SNTG1: variants seen among roughly 807,000 people sequenced by gnomAD.
SNTG1 encodes the protein syntrophin gamma 1.
SNTG1 carries 39 observed loss-of-function variants against 74.7 expected under a neutral mutation model. The ratio of observed to expected loss-of-function variants is 0.52; its 90% CI spans 0.40 to 0.68. SNTG1 has a LOEUF of 0.68. Ranked by LOEUF, SNTG1 falls within the 30% of genes least tolerant of loss-of-function variation. The pLI is 0.00. For synonymous variants in SNTG1, 254 were observed against 217.1 expected, an observed-to-expected ratio of 1.17 and a Z score of -1.49; for missense variants, 685 against 609.5, an observed-to-expected ratio of 1.12 and a Z score of -1.30.
At chr8:50,523,960 A>ACTT (rs2094200281) in intron 9 of SNTG1, among the ~76,000 whole-genome samples, 1 of 152,178 alleles carries the variant, frequency 6.6e-6, no homozygotes, top group African/African-American at 2.4e-5. Context: ...AGTTTATTCC[A>ACTT]CTTAACATTT....
rs554315176 is a variant in SNTG1 at position 50,526,617 on chromosome 8, G to A, written c.467-3560G>A. Among the ~76,000 whole-genome samples the A allele has an allele frequency of 2.6e-3, 376 of 146,558 alleles. 1 individual carries two copies. The highest frequency in any genetic ancestry group is 4.6e-3 in the Non-Finnish European group (307 of 67,392). ...TCAGCATATATATGTGTGTGTGTGT[G>A]TGTGTATACACAAACACATATATAC... On this transcript the variant is annotated intron_variant, in intron 9 of 18. Coordinates refer to ENST00000642720, the MANE Select transcript of SNTG1 (RefSeq NM_018967.5).
At chr8:50,755,659 T>C (rs974141852) in intron 18 of SNTG1, among the ~76,000 whole-genome samples, 2 of 151,866 alleles carry the variant, frequency 1.3e-5, no homozygotes, top group Admixed American at 1.3e-4. Flanking sequence ...AAACAGTGTT[T>C]AGTTTTTTTA....
intron 1 of SNTG1, among the ~76,000 whole-genome samples, chr8:49,943,160 A>G (rs1808854579): frequency 6.6e-6 from 1 of 152,184 alleles, no homozygotes; most frequent in African/African-American, 2.4e-5. Context: ...CCTGTTCAAA[A>G]AGAAGTTGGG....
At chr8:49,928,468 T>C (rs1230486773) in intron 1 of SNTG1, among the ~76,000 whole-genome samples, 1 of 151,998 alleles carries the variant, frequency 6.6e-6, no homozygotes, top group Admixed American at 6.6e-5. Context: ...TAACCTCAGG[T>C]GATCCTCCCA....
In SNTG1 at chr8:50,456,773, G is replaced by A. The variant is rs556646660; in HGVS notation, c.363+6044G>A. On this transcript the variant is annotated intron_variant, in intron 8 of 18. Coordinates refer to ENST00000642720, the MANE Select transcript of SNTG1 (RefSeq NM_018967.5). The stretch of plus-strand genomic sequence containing the variant: ...CCAGGCCTGAAAAACCAATTACTTA[G>A]GAGGGCCCCAGCCGATTTCCTTGGA... Among the ~76,000 whole-genome samples the A allele has an allele frequency of 2.0e-5, 3 of 152,186 alleles. No homozygotes were observed. In the East Asian group the frequency reaches 5.8e-4, roughly 29 times the overall value.
intron 2 of SNTG1, among the ~76,000 whole-genome samples, chr8:50,262,419 T>G (rs1403279687): frequency 2.0e-5 from 3 of 152,142 alleles, no homozygotes; most frequent in Non-Finnish European, 4.4e-5. Flanking sequence ...TTTGTTTTTG[T>G]GTTTGTTTTG....
intron 1 of SNTG1, among the ~76,000 whole-genome samples, chr8:49,922,913 TCTC>T (rs2129345521): frequency 6.6e-6 from 1 of 152,244 alleles, no homozygotes; most frequent in South Asian, 2.1e-4. Context: ...TTTTAACTCT[TCTC>T]CTGTTTTTCT....
intron 2 of SNTG1, among the ~76,000 whole-genome samples, chr8:50,333,875 C>A (rs549876005): frequency 1.9e-4 from 29 of 152,242 alleles, no homozygotes; most frequent in African/African-American, 6.7e-4. Context: ...CAAATGAAAT[C>A]AAATTGAGCT....
intron 1 of SNTG1, among the ~76,000 whole-genome samples, chr8:49,939,114 A>T (rs1183749772): frequency 6.6e-6 from 1 of 152,120 alleles, no homozygotes; most frequent in Non-Finnish European, 1.5e-5. Flanking sequence ...AGTACTGCAG[A>T]CTGTTTTTAG....
chr8:50,541,611 G>A (rs1443539309), intron 11 of SNTG1, among the ~76,000 whole-genome samples: 3 of 151,934 alleles, frequency 2.0e-5, no homozygotes, highest in Non-Finnish European at 4.4e-5. Flanking sequence ...AATCAAGTTA[G>A]TATACTTACA....
intron 3 of SNTG1, among the ~76,000 whole-genome samples, chr8:50,396,161 A>G (rs926925952): frequency 6.6e-6 from 1 of 152,256 alleles, no homozygotes; most frequent in Non-Finnish European, 1.5e-5. Flanking sequence ...GCTCTTGTAA[A>G]TTAGTAATCC....
chr8:50,400,056 G>A (rs1044396245), intron 3 of SNTG1, among the ~76,000 whole-genome samples: 1 of 152,202 alleles, frequency 6.6e-6, no homozygotes, highest in East Asian at 1.9e-4. Flanking sequence ...GAGAACAAAA[G>A]CAGTTTAGAG....
At chr8:50,516,309 A>G (rs1346661949) in intron 9 of SNTG1, among the ~76,000 whole-genome samples, 1 of 152,204 alleles carries the variant, frequency 6.6e-6, no homozygotes, top group Non-Finnish European at 1.5e-5. Flanking sequence ...ATCAAACACC[A>G]AAAATAGATA....
At chr8:50,553,521 T>C (rs1464766066) in intron 12 of SNTG1, among the ~76,000 whole-genome samples, 3 of 152,172 alleles carry the variant, frequency 2.0e-5, no homozygotes, top group Non-Finnish European at 4.4e-5. Flanking sequence ...TTACCTTTAG[T>C]GATCTTAGAA....
At chr8:50,771,047 C>G (rs2095625892) in intron 18 of SNTG1, among the ~76,000 whole-genome samples, 1 of 152,040 alleles carries the variant, frequency 6.6e-6, no homozygotes, top group African/African-American at 2.4e-5. Flanking sequence ...CACAAATGGA[C>G]TAAGAAAATT....
chr8:50,701,691 T>C (rs780935667), intron 15 of SNTG1, among the ~76,000 whole-genome samples: 2 of 147,742 alleles, frequency 1.4e-5, no homozygotes, highest in South Asian at 2.2e-4. Context: ...TCTTCTTCTT[T>C]GCCTTCCTCT....
At chr8:50,053,653 G>GTGTGTGTGTGTGTT (rs1388802117) in intron 1 of SNTG1, among the ~76,000 whole-genome samples, 2 of 150,790 alleles carry the variant, frequency 1.3e-5, no homozygotes, top group African/African-American at 4.9e-5. Flanking sequence ...GTGTGTGTGT[G>GTGTGTGTGTGTGTT]TGTGTATAAT....
At chr8:49,938,562 C>CTTTTA (rs1453127560) in intron 1 of SNTG1, among the ~76,000 whole-genome samples, 1 of 27,750 alleles carries the variant, frequency 3.6e-5, no homozygotes, top group Non-Finnish European at 7.8e-5. Context: ...CTTTTGTTTT[C>CTTTTA]TTTTCTTTTC....
chr8:50,759,072 G>A (rs1157990037), intron 18 of SNTG1, among the ~76,000 whole-genome samples: 1 of 152,078 alleles, frequency 6.6e-6, no homozygotes, highest in Non-Finnish European at 1.5e-5. Context: ...GTGAAGATGA[G>A]CATTTTTTCA....
Sources: allele counts gnomAD v4.1 joint callset (sites outside exome capture counted in the v4.1 genomes callset), GRCh38; gene constraint gnomAD v4.1.1; transcripts MANE v1.5; gene names NCBI Gene and HGNC (gene_info 2026-07-23, HGNC 2026-07-21).